Variants in CNBD1 observed in about 807,000 individuals in gnomAD.
CNBD1 encodes cyclic nucleotide binding domain containing 1.
A neutral mutation model predicts 54.4 loss-of-function variants in CNBD1; 71 were observed. The observed-to-expected ratio is 1.30, with a 90% CI of 1.08 to 1.59. CNBD1 has a LOEUF of 1.59. CNBD1 is among the 40% of genes most tolerant of loss of function. The pLI is 0.00. For synonymous variants in CNBD1, 182 were observed against 170.7 expected (o/e 1.07, Z -0.51); for missense variants, 659 against 518.0 (o/e 1.27, Z -2.64).
chr8:87,192,561 C>T (rs974032913), intron 4 of CNBD1, among the ~76,000 whole-genome samples: 3 of 152,182 alleles, frequency 2.0e-5, no homozygotes, highest in African/African-American at 7.2e-5. Context: ...TAAACCTCAG[C>T]TTTCTCATTT....
At chr8:87,210,849 C>T (rs920719670) in intron 5 of CNBD1, among the ~76,000 whole-genome samples, 24 of 152,162 alleles carry the variant, frequency 1.6e-4, no homozygotes, top group Non-Finnish European at 3.1e-4. Context: ...ATTGAAGGTC[C>T]TACACAGAGT....
chr8:87,279,999 A>G (rs1466945760), intron 6 of CNBD1, among the ~76,000 whole-genome samples: 1 of 151,420 alleles, frequency 6.6e-6, no homozygotes, highest in Non-Finnish European at 1.5e-5. Flanking sequence ...TGAAAAGGTG[A>G]TCCTCTTTGA....
chr8:87,281,901 T>A (rs1388239144), intron 6 of CNBD1, among the ~76,000 whole-genome samples: 1 of 151,518 alleles, frequency 6.6e-6, no homozygotes, highest in Non-Finnish European at 1.5e-5. Context: ...TGTCTCCTAC[T>A]GAGATTGAGC....
At chr8:87,267,415 T>C (rs1808281920) in intron 6 of CNBD1, among the ~76,000 whole-genome samples, 1 of 152,140 alleles carries the variant, frequency 6.6e-6, no homozygotes, top group African/African-American at 2.4e-5. Flanking sequence ...GAAATAAACA[T>C]TGGAGGTGTT....
In CNBD1 at chr8:86,949,967, T is replaced by TTG. The variant is rs1807568716; in HGVS notation, c.431+10214_431+10215insGT. ...AAATGCTTTTTTTTTTTTTTTTTTT[T>TTG]TTTTTTTGAGATGGAGTCTCGCTCT... On this transcript the variant is annotated intron_variant, in intron 4 of 10. Transcript: ENST00000518476. 7.6e-5 allele frequency among the ~76,000 whole-genome samples: 10 copies of TTG among 131,048 alleles called. 2 individuals carry two copies. The highest frequency in any genetic ancestry group is 1.1e-4 in the Non-Finnish European group (7 of 62,226). The allele number at this position is 131,048 out of a possible 152,430, so 86.0% of individuals were successfully genotyped here. A position where few individuals can be genotyped will look rare whatever the true frequency, so the allele number is the denominator to read the frequency against.
At chr8:87,417,098 C>A (rs115306943) in intron 2 of CNBD1, among the ~76,000 whole-genome samples, 5,222 of 151,950 alleles carry the variant, frequency 0.034, 281 homozygotes, top group African/African-American at 0.12. Flanking sequence ...AAAGACATAC[C>A]AAAGACATAA....
chr8:87,424,455 C>A (rs142973309), intron 2 of CNBD1, among the ~76,000 whole-genome samples: 1 of 152,136 alleles, frequency 6.6e-6, no homozygotes, highest in Non-Finnish European at 1.5e-5. Context: ...GAATGCGTCC[C>A]AGAGATTCTG....
chr8:87,036,498 G>A (rs921079102), intron 4 of CNBD1, among the ~76,000 whole-genome samples: 1 of 149,984 alleles, frequency 6.7e-6, no homozygotes, highest in Admixed American at 6.8e-5. Context: ...GGAAGCTGAG[G>A]CAGGAGAATG....
rs79234358 is a variant in CNBD1 at position 87,103,444 on chromosome 8, T to C, written c.432-102549T>C. Among the ~76,000 whole-genome samples the C allele has an allele frequency of 5.5e-3, 839 of 152,328 alleles. 10 individuals carry two copies. The highest frequency in any genetic ancestry group is 0.019 in the African/African-American group (792 of 41,560). ...TATTAGTCTTTTCTCATGGTGCTAA[T>C]AAAGACATACCTAGGACTTGGTAAT... On this transcript the variant is annotated intron_variant, in intron 4 of 10. Coordinates refer to ENST00000518476, the MANE Select transcript of CNBD1 (RefSeq NM_173538.3).
intron 10 of CNBD1, among the ~76,000 whole-genome samples, chr8:87,356,028 C>A (rs1475062869): frequency 6.6e-6 from 1 of 152,152 alleles, no homozygotes; most frequent in East Asian, 1.9e-4. Flanking sequence ...ACCTGCTCCT[C>A]TTCCATTTTC....
intron 4 of CNBD1, among the ~76,000 whole-genome samples, chr8:87,025,154 G>C (rs775682997): frequency 2.6e-5 from 4 of 152,002 alleles, no homozygotes; most frequent in Non-Finnish European, 1.5e-5. Context: ...CTAAAGGATT[G>C]TAAACGCACC....
At position 87,259,200 on chromosome 8, in the gene CNBD1, G is replaced by C. The variant is rs73279082; in HGVS notation, c.771+22088G>C. Among the ~76,000 whole-genome samples the C allele has an allele frequency of 4.0e-3, 610 of 152,166 alleles. 3 individuals carry two copies. Among genetic ancestry groups the C allele is most frequent in the African/African-American group, 0.014 (578 of 41,548 alleles). On this transcript the variant is annotated intron_variant, in intron 6 of 10. Coordinates refer to ENST00000518476, the MANE Select transcript of CNBD1 (RefSeq NM_173538.3). ...ACGACATCCTTGGACTTTCTGACTT[G>C]TCCTAAACATCCCTCTTTTTAAACA...
chr8:86,955,795 A>G (rs1807751449), intron 4 of CNBD1, among the ~76,000 whole-genome samples: 1 of 152,100 alleles, frequency 6.6e-6, no homozygotes, highest in Non-Finnish European at 1.5e-5. Flanking sequence ...GTTCGCACTG[A>G]TGGTAGTTTC....
chr8:87,359,407 T>C (rs1338604754), intron 10 of CNBD1, among the ~76,000 whole-genome samples: 1 of 152,118 alleles, frequency 6.6e-6, no homozygotes, highest in African/African-American at 2.4e-5. Context: ...AGGACTAGAT[T>C]TTGCTTGTTT....
intron 1 of CNBD1, among the ~76,000 whole-genome samples, chr8:86,873,002 A>T (rs2131768466): frequency 6.6e-6 from 1 of 152,184 alleles, no homozygotes; most frequent in African/African-American, 2.4e-5. Context: ...TGAGCCCAGG[A>T]ATTTGAGGTG....
chr8:86,956,997 A>G (rs991512357), intron 4 of CNBD1, among the ~76,000 whole-genome samples: 5 of 152,198 alleles, frequency 3.3e-5, no homozygotes, highest in African/African-American at 4.8e-5. Flanking sequence ...ATTTTGAGAT[A>G]TGTCCCATCA....
intron 4 of CNBD1, among the ~76,000 whole-genome samples, chr8:87,029,309 C>T (rs1809727890): frequency 6.6e-6 from 1 of 152,112 alleles, no homozygotes; most frequent in African/African-American, 2.4e-5. Flanking sequence ...AACAAGCAAA[C>T]AAGTAAACAA....
chr8:86,870,189 C>CCTTTTTTTTTTTTTTTTTTT lies in CNBD1; in HGVS notation c.88+3606_88+3607insCTTTTTTTTTTTTTTTTTTT, dbSNP rs1554626453. On this transcript the variant is annotated intron_variant, in intron 1 of 10. Coordinates refer to ENST00000518476, the MANE Select transcript of CNBD1 (RefSeq NM_173538.3). ...AGAAATTTAGAAACAAGATAGTACTCTTTTTTTTTTTTTTTCTGAGACGGA... is the reference window on the plus strand; with the variant it reads ...AGAAATTTAGAAACAAGATAGTACTCCTTTTTTTTTTTTTTTTTTTTTTTTTTTTTTTTTTCTGAGACGGA... Among the ~76,000 whole-genome samples, 65 of 100,586 alleles carry CCTTTTTTTTTTTTTTTTTTT rather than the reference C, an allele frequency of 6.5e-4. 5 individuals carry two copies. Among genetic ancestry groups the CCTTTTTTTTTTTTTTTTTTT allele is most frequent in the Admixed American group, 1.2e-3 (10 of 8,272 alleles). 66.0% of individuals were successfully genotyped at this position (100,586 alleles called of 152,430 possible). A position where few individuals can be genotyped will look rare whatever the true frequency, so the allele number is the denominator to read the frequency against.
intron 4 of CNBD1, among the ~76,000 whole-genome samples, chr8:87,040,307 G>A (rs761594632): frequency 1.3e-5 from 2 of 152,124 alleles, no homozygotes; most frequent in African/African-American, 2.4e-5. Context: ...GCAAGATGGA[G>A]TTGGTTAGGT....
Sources: gnomAD v4.1 joint callset for allele counts (sites outside exome capture counted in the v4.1 genomes callset) on GRCh38, gnomAD v4.1.1 for gene constraint, MANE v1.5 for transcripts, NCBI Gene and HGNC (gene_info 2026-07-23, HGNC 2026-07-21) for gene names.